Variants in LIN9 observed in about 807,000 individuals in gnomAD.
LIN9 encodes protein lin-9 homolog.
Under a neutral mutation model 78.0 loss-of-function variants are expected in LIN9, and 18 were observed. The ratio of observed to expected loss-of-function variants is 0.23; its 90% CI spans 0.16 to 0.34. The LOEUF is 0.34. Ranked by LOEUF, LIN9 falls within the 10% of genes least tolerant of loss-of-function variation. The pLI, the probability that LIN9 is intolerant of heterozygous loss-of-function variation, is 1.00. For synonymous variants in LIN9, 192 were observed against 215.2 expected (o/e 0.89, Z 0.94); for missense variants, 451 against 644.1 (o/e 0.70, Z 3.25).
intron 11 of LIN9, among the ~76,000 whole-genome samples, chr1:226,245,577 A>T (rs1576284648): frequency 6.6e-6 from 1 of 151,918 alleles, no homozygotes; most frequent in East Asian, 1.9e-4. Flanking sequence ...ATGCCTGGCT[A>T]ATTTTTCTAA....
Position 226,272,029 on chromosome 1 carries a change from T to TA in LIN9, c.683-3940dup, listed in dbSNP as rs397813166. Among the ~76,000 whole-genome samples the TA allele has an allele frequency of 2.0e-4, 30 of 151,784 alleles. 1 individual carries two copies. The highest frequency in any genetic ancestry group is 4.1e-4 in the African/African-American group (17 of 41,386). Reference sequence around the variant, plus strand: ...CATATAGATGAGTCTTACTTTTTTTTAATCCGTTCTCATTATCTTAACTTT... The same window carrying TA: ...CATATAGATGAGTCTTACTTTTTTTTAAATCCGTTCTCATTATCTTAACTTT... On this transcript the variant is annotated intron_variant, in intron 7 of 14. Transcript: ENST00000681046.
intron 6 of LIN9, among the ~76,000 whole-genome samples, chr1:226,284,019 T>C (rs1056428520): frequency 3.3e-5 from 5 of 152,186 alleles, no homozygotes; most frequent in African/African-American, 1.2e-4. Context: ...TTTCCTCTTG[T>C]GGTTTTATTC....
chr1:226,254,359 G>A (rs1344692926), intron 10 of LIN9, among the ~76,000 whole-genome samples: 6 of 152,124 alleles, frequency 3.9e-5, no homozygotes, highest in Non-Finnish European at 8.8e-5. Flanking sequence ...CTTCACTTAA[G>A]AGCAAAACTG....
intron 4 of LIN9, among the ~76,000 whole-genome samples, chr1:226,289,244 G>A (rs575138395): frequency 1.3e-3 from 201 of 150,602 alleles, no homozygotes; most frequent in African/African-American, 4.6e-3. Flanking sequence ...CAAAAAAAAA[G>A]AAAGAAAAGG....
chr1:226,251,470 C>T (rs1040113253), intron 10 of LIN9, among the ~76,000 whole-genome samples: 5 of 152,084 alleles, frequency 3.3e-5, no homozygotes, highest in African/African-American at 9.7e-5. Flanking sequence ...TCAGATGATC[C>T]ACTCACCTTG....
intron 4 of LIN9, among the ~76,000 whole-genome samples, chr1:226,294,964 A>T (rs1213468925): frequency 6.6e-6 from 1 of 151,536 alleles, no homozygotes; most frequent in Non-Finnish European, 1.5e-5. Flanking sequence ...TATGCTAGCT[A>T]GTTTTTTTGT....
intron 1 of LIN9, among the ~76,000 whole-genome samples, chr1:226,307,889 C>T (rs562099611): frequency 3.3e-5 from 5 of 152,254 alleles, no homozygotes; most frequent in Non-Finnish European, 5.9e-5. Context: ...ACAGTTCTAT[C>T]ATGGACAAAG....
intron 4 of LIN9, among the ~76,000 whole-genome samples, chr1:226,293,029 AAGTT>A (rs1236005493): frequency 1.3e-5 from 2 of 152,212 alleles, no homozygotes; most frequent in Non-Finnish European, 2.9e-5. Flanking sequence ...TAATCAGTAA[AAGTT>A]AGTTTTCATA....
At chr1:226,277,131 C>T (rs972280948) in intron 7 of LIN9, among the ~76,000 whole-genome samples, 1 of 151,264 alleles carries the variant, frequency 6.6e-6, no homozygotes, top group Non-Finnish European at 1.5e-5. Flanking sequence ...ATTGCTTGAG[C>T]CCGGGAGGTC....
intron 6 of LIN9, among the ~76,000 whole-genome samples, chr1:226,282,040 T>A (rs891757884): frequency 6.6e-6 from 1 of 152,126 alleles, no homozygotes; most frequent in Admixed American, 6.6e-5. Context: ...ACATATACAA[T>A]CAAAAAATGC....
intron 1 of LIN9, among the ~76,000 whole-genome samples, chr1:226,307,638 A>C (rs1360077191): frequency 6.6e-6 from 1 of 152,212 alleles, no homozygotes. Flanking sequence ...CCATCTCAAA[A>C]TAAATAAATA....
rs1174877050 is a variant in LIN9, at chr1:226,272,536, G to A, written c.683-4446C>T. ...ACTACAGGTGCCCACTACCATGCTT[G>A]ACCTTTTTTTTTTTTTTTTTTTTAA... On this transcript the variant is annotated intron_variant, in intron 7 of 14. Transcript: ENST00000681046. 2.2e-5 allele frequency among the ~76,000 whole-genome samples: 3 copies of A among 138,916 alleles called. No individual in the cohort carries two copies. In the East Asian group the frequency reaches 6.8e-4, roughly 31 times the overall value. 91.1% of individuals were successfully genotyped at this position (138,916 alleles called of 152,430 possible). A position where few individuals can be genotyped will look rare whatever the true frequency, so the allele number is the denominator to read the frequency against.
At chr1:226,273,256 A>ATTTTTTTTTTTTTTTTTTT (rs34679926) in intron 7 of LIN9, among the ~76,000 whole-genome samples, 1 of 87,270 alleles carries the variant, frequency 1.1e-5, no homozygotes, top group African/African-American at 4.7e-5. Flanking sequence ...TAATTAGGTA[A>ATTTTTTTTTTTTTTTTTTT]TTTTTTTTTT....
rs1661384471 is a variant in LIN9, at chr1:226,286,465, AAC to A, written c.399-9_399-8del. The A allele has an allele frequency of 3.2e-6, 5 of 1,551,720 alleles. No homozygotes were observed. In the East Asian group the frequency reaches 1.1e-4, roughly 35 times the overall value. ...ATCACCTTCAAAAAGTGGTCTGTAA[AAC>A]AGATATAGTATTTTAATGGTTACAT... On this transcript the variant is annotated splice_polypyrimidine_tract_variant and splice_region_variant and intron_variant, in intron 5 of 14. Coordinates refer to ENST00000681046, the MANE Select transcript of LIN9 (RefSeq NM_001366245.2).
intron 1 of LIN9, among the ~76,000 whole-genome samples, chr1:226,305,097 G>C (rs12733472): frequency 2.0e-5 from 3 of 151,850 alleles, no homozygotes; most frequent in South Asian, 2.1e-4. Flanking sequence ...TTGAACTCTA[G>C]AGGCGGAGGT....
intron 1 of LIN9, among the ~76,000 whole-genome samples, chr1:226,305,626 G>T (rs903689470): frequency 6.6e-6 from 1 of 151,892 alleles, no homozygotes; most frequent in Non-Finnish European, 1.5e-5. Flanking sequence ...GGTGTGGGGG[G>T]GTAGCATTCC....
intron 1 of LIN9, among the ~76,000 whole-genome samples, chr1:226,306,088 G>T (rs920346646): frequency 1.3e-5 from 2 of 152,082 alleles, no homozygotes; most frequent in Non-Finnish European, 2.9e-5. Flanking sequence ...ACTTTGGGAG[G>T]TTGAGGCGGG....
intron 12 of LIN9, among the ~76,000 whole-genome samples, chr1:226,237,453 A>G (rs1657788909): frequency 6.6e-6 from 1 of 150,702 alleles, no homozygotes; most frequent in African/African-American, 2.4e-5. Context: ...ATCAACATGG[A>G]GAAACCCTGT....
Position 226,231,817 on chromosome 1 carries a change from CT to C in LIN9, c.*683del, listed in dbSNP as rs528397149. On this transcript the variant is annotated 3_prime_UTR_variant, in exon 15 of 15. Coordinates refer to ENST00000681046, the MANE Select transcript of LIN9 (RefSeq NM_001366245.2). The stretch of plus-strand genomic sequence containing the variant: ...TTTTTAGAAATTTAGCATTTTGCAC[CT>C]TTTTTCCCCCTGTTCCTTCATTTTC... 2.0e-4 allele frequency: 44 copies of C among 215,254 alleles called. No individual in the cohort carries two copies. Among genetic ancestry groups the C allele is most frequent in the Middle Eastern group, 1.6e-3 (1 of 628 alleles). The allele number at this position is 215,254 out of a possible 1,614,324, so 13.3% of individuals were successfully genotyped here.
Sources: gnomAD v4.1 joint callset for allele counts (sites outside exome capture counted in the v4.1 genomes callset) on GRCh38, gnomAD v4.1.1 for gene constraint, MANE v1.5 for transcripts, NCBI Gene and HGNC (gene_info 2026-07-23, HGNC 2026-07-21) for gene names.